The following ORC1 variants were observed in gnomAD, a reference collection of about 807,000 sequenced individuals.
ORC1 encodes the protein origin recognition complex, subunit 1 homolog.
ORC1 carries 61 observed loss-of-function variants against 98.9 expected under a neutral mutation model. That is an observed-to-expected ratio of 0.62 (90% CI 0.50 to 0.76). The LOEUF is 0.76. ORC1 is among the 30% of genes least tolerant of loss of function. The pLI, the probability that ORC1 is intolerant of heterozygous loss-of-function variation, is 0.00. For missense variants in ORC1, 979 were observed against 1,072.2 expected (o/e 0.91, Z 1.21); for synonymous variants, 385 against 406.9 (o/e 0.95, Z 0.65).
upstream of ORC1, among the ~76,000 whole-genome samples, chr1:52,407,595 T>A (rs1212514938): frequency 6.6e-6 from 1 of 152,222 alleles, no homozygotes; most frequent in Non-Finnish European, 1.5e-5. Context: ...TGTTCTTGTA[T>A]TGTTATTAAA....
chr1:52,399,746 T>G (rs1647609972), intron 3 of ORC1, among the ~76,000 whole-genome samples: 1 of 151,588 alleles, frequency 6.6e-6, no homozygotes, highest in Non-Finnish European at 1.5e-5. Context: ...AGGTTGAGGC[T>G]GCATGAGCTG....
At chr1:52,392,290 C>G (rs771441027) in intron 6 of ORC1, among the ~76,000 whole-genome samples, 14 of 152,026 alleles carry the variant, frequency 9.2e-5, no homozygotes, top group African/African-American at 3.4e-4. Context: ...CCACCAAGCC[C>G]GGCTAATTTT....
chr1:52,397,176 AC>A (rs1647444211), intron 4 of ORC1, among the ~76,000 whole-genome samples: 1 of 152,168 alleles, frequency 6.6e-6, no homozygotes, highest in Admixed American at 6.5e-5. Flanking sequence ...ACCTCACATC[AC>A]AACCTAATCC....
intron 8 of ORC1, among the ~76,000 whole-genome samples, chr1:52,387,457 G>A (rs1460371848): frequency 6.6e-6 from 1 of 152,022 alleles, no homozygotes; most frequent in Non-Finnish European, 1.5e-5. Context: ...CCTTTCCCTA[G>A]AGACTTTTCT....
chr1:52,390,058 C>T (rs1474745096), intron 6 of ORC1, among the ~76,000 whole-genome samples: 9 of 152,176 alleles, frequency 5.9e-5, no homozygotes. Context: ...CAAATGGAAA[C>T]ACATCCCATG....
Position 52,401,444 on chromosome 1 carries a change from G to C in ORC1, c.141C>G (p.Ile47Met). ...KTEGCSTEIH[I>M]QIGQFVLIEG... ...CAATCAACACAAACTGTCCAATCTG[G>C]ATGTGAATCTCGGTGGAACAACCTT... Residue 47 changes from isoleucine to methionine, a missense_variant, in exon 3 of 17, where the codon ATC (isoleucine) becomes ATG (methionine). Ile to Met is a conservative substitution (Grantham distance 10). Coordinates refer to ENST00000371568, the MANE Select transcript of ORC1 (RefSeq NM_004153.4). The C allele has an allele frequency of 6.2e-7, 1 of 1,613,974 alleles. No individual in the cohort carries two copies.
chr1:52,409,465 G>C, the ORC1 span: 1 of 152,298 alleles, frequency 6.6e-6, no homozygotes, highest in African/African-American at 2.4e-5. Context: ...ACAGTAATTA[G>C]CAGGGTGTGG....
At chr1:52,387,459 G>A (rs1647156863) in intron 8 of ORC1, among the ~76,000 whole-genome samples, 1 of 152,042 alleles carries the variant, frequency 6.6e-6, no homozygotes, top group Non-Finnish European at 1.5e-5. Context: ...TTTCCCTAGA[G>A]ACTTTTCTTT....
chr1:52,399,772 A>C (rs1647611028), intron 3 of ORC1, among the ~76,000 whole-genome samples: 1 of 151,464 alleles, frequency 6.6e-6, no homozygotes, highest in African/African-American at 2.4e-5. Context: ...GTGCCACTGC[A>C]CTCCAGTCTG....
chr1:52,404,945 G>A, upstream of ORC1: 1 of 1,583,042 alleles, frequency 6.3e-7, no homozygotes, highest in East Asian at 2.2e-5. Flanking sequence ...CCGAGCGCGG[G>A]TAGGACTAGC....
At position 52,383,445 on chromosome 1, in the gene ORC1, A is replaced by C; in HGVS notation, c.1988T>G (p.Met663Arg). Residue 663 changes from methionine to arginine, a missense_variant, in exon 13 of 17, where the codon ATG becomes AGG. Coordinates refer to ENST00000371568, the MANE Select transcript of ORC1 (RefSeq NM_004153.4). ...CAGTCGGCTGGACACCCGGTTCATCATGATTCGCTCTGGCAGGTCCATTGT... is the reference window on the plus strand; with the variant it reads ...CAGTCGGCTGGACACCCGGTTCATCCTGATTCGCTCTGGCAGGTCCATTGT... Reference protein sequence around the residue: ...ANTMDLPERIMMNRVSSRLGL... With the variant: ...ANTMDLPERIRMNRVSSRLGL... 1 of 1,612,958 alleles carries C rather than the reference A, an allele frequency of 6.2e-7. No homozygotes were observed. Among genetic ancestry groups the C allele is most frequent in the East Asian group, 2.2e-5 (1 of 44,878 alleles).
chr1:52,374,707 C>G, intron 16 of ORC1, 103 bp downstream of exon 16: 1 of 784,464 alleles, frequency 1.3e-6, no homozygotes, highest in Admixed American at 2.0e-5. Flanking sequence ...TTCACATACT[C>G]TAGGTGGCAC....
At chr1:52,407,052 CTG>C (rs1648016820), upstream of ORC1, among the ~76,000 whole-genome samples, 1 of 152,190 alleles carries the variant, frequency 6.6e-6, no homozygotes, top group Non-Finnish European at 1.5e-5. Flanking sequence ...GAGTCTCGCT[CTG>C]TTGCCCAGGC....
In ORC1 at chr1:52,375,429, C is replaced by T; in HGVS notation, c.2303+1G>A. ...AAGGCTCAGGAAGTGGAGCATCTTACTTGATGGCCGTGATGTATGATGATG... is the reference window on the plus strand; with the variant it reads ...AAGGCTCAGGAAGTGGAGCATCTTATTTGATGGCCGTGATGTATGATGATG... On this transcript the variant is annotated splice_donor_variant, in intron 15 of 16. Coordinates refer to ENST00000371568, the MANE Select transcript of ORC1 (RefSeq NM_004153.4). LOFTEE classifies it high-confidence loss of function. 1 of 1,614,102 alleles carries T rather than the reference C, an allele frequency of 6.2e-7. No homozygotes were observed.
intron 5 of ORC1, 85 bp from the exon 6 acceptor site, chr1:52,393,888 A>C: frequency 7.2e-7 from 1 of 1,394,876 alleles, no homozygotes; most frequent in Non-Finnish European, 1.0e-6. Context: ...TCAGCCACTG[A>C]GTTATATGTA....
chr1:52,377,450 T>C (rs1647008432), intron 14 of ORC1, among the ~76,000 whole-genome samples: 1 of 152,072 alleles, frequency 6.6e-6, no homozygotes, highest in Non-Finnish European at 1.5e-5. Flanking sequence ...AATTTTTAAA[T>C]TTTTTGTAGA....
Position 52,384,035 on chromosome 1 carries a change from G to A in ORC1, c.1756-98C>T, listed in dbSNP as rs948583894. The A allele has an allele frequency of 5.4e-6, 5 of 930,962 alleles. No individual in the cohort carries two copies. In the African/African-American group the frequency reaches 6.4e-5, roughly 12 times the overall value. The allele number at this position is 930,962 out of a possible 1,614,324, so 57.7% of individuals were successfully genotyped here. On this transcript the variant is annotated intron_variant, in intron 11 of 16. Transcript: ENST00000371568. The stretch of plus-strand genomic sequence containing the variant: ...AATGGAGGGAGGCATTTAACCTGAG[G>A]ACTTCGGTATCCTATATTCTGCCTC...
At position 52,402,210 on chromosome 1, in the gene ORC1, G is replaced by C. The variant is rs751628938; in HGVS notation, c.14C>G (p.Pro5Arg). MAHY[P>R]TRLKTRKTYS... The stretch of plus-strand genomic sequence containing the variant: ...AGTTTTTCTGGTCTTCAGCCTTGTG[G>C]GGTAGTGTGCCATGGCTTCTGTGGA... The change falls in exon 2 of 17, where the codon CCC (proline) becomes CGC (arginine). Residue 5 changes from proline to arginine, a missense_variant. Physicochemically the swap from Pro to Arg is moderately radical, Grantham distance 103 (BLOSUM62 -2). Transcript: ENST00000371568. The C allele has an allele frequency of 6.2e-6, 10 of 1,614,070 alleles. No homozygotes were observed. The South Asian group carries it at 9.9e-5, about 16-fold the overall frequency.
chr1:52,402,314 T>C (rs1307302264), intron 1 of ORC1, 86 bp from the exon 2 acceptor site: 7 of 946,166 alleles, frequency 7.4e-6, no homozygotes, highest in Non-Finnish European at 1.2e-5. Context: ...GTCCCTCCCT[T>C]CAAATGAGAT....
Sources: allele counts gnomAD v4.1 joint callset (sites outside exome capture counted in the v4.1 genomes callset), GRCh38; gene constraint gnomAD v4.1.1; transcripts MANE v1.5; gene names NCBI Gene and HGNC (gene_info 2026-07-23, HGNC 2026-07-21).